IKBKE: variants seen among roughly 807,000 people sequenced by gnomAD.
IKBKE encodes inhibitor of nuclear factor kappa-B kinase subunit epsilon.
Under a neutral mutation model 92.1 loss-of-function variants are expected in IKBKE, and 45 were observed. The ratio of observed to expected loss-of-function variants is 0.49; its 90% CI spans 0.38 to 0.63. IKBKE has a LOEUF of 0.63. Ranked by LOEUF, IKBKE falls within the 20% of genes least tolerant of loss-of-function variation. The probability of loss-of-function intolerance (pLI) is 0.00; values close to 1 mark genes in which losing one functional copy is unlikely to be tolerated. For missense variants in IKBKE, 700 were observed against 932.8 expected (o/e 0.75, Z 3.25); for synonymous variants, 374 against 380.3 (o/e 0.98, Z 0.19).
At chr1:206,470,876 G>A (rs1178474297) in intron 1 of IKBKE, among the ~76,000 whole-genome samples, 178 bp downstream of exon 1, 1 of 152,158 alleles carries the variant, frequency 6.6e-6, no homozygotes, top group Non-Finnish European at 1.5e-5. Flanking sequence ...GCCCTCCCTG[G>A]GCTCTGCTTA....
intron 17 of IKBKE, chr1:206,491,089 A>G (rs774591090): frequency 2.4e-5 from 14 of 591,460 alleles, no homozygotes; most frequent in Non-Finnish European, 2.4e-5. Flanking sequence ...TCTGGTATGG[A>G]CAAGACTGTT....
intron 13 of IKBKE, among the ~76,000 whole-genome samples, chr1:206,481,565 T>G (rs1416617194): frequency 2.0e-5 from 3 of 152,070 alleles, no homozygotes; most frequent in Non-Finnish European, 4.4e-5. Context: ...GAACTGCAAG[T>G]GAATCTCCTT....
At chr1:206,473,653 C>G (rs1664897112) in intron 3 of IKBKE, among the ~76,000 whole-genome samples, 1 of 152,148 alleles carries the variant, frequency 6.6e-6, no homozygotes, top group Non-Finnish European at 1.5e-5. Context: ...GAGATGATAT[C>G]CACTCTGTCT....
intron 2 of IKBKE, among the ~76,000 whole-genome samples, chr1:206,472,507 G>C (rs1664829161): frequency 6.6e-6 from 1 of 151,744 alleles, no homozygotes. Flanking sequence ...GATGAATTTT[G>C]CCTCCCCTAT....
At chr1:206,479,180 C>T in intron 10 of IKBKE, 47 bp downstream of exon 10, 2 of 1,471,884 alleles carry the variant, frequency 1.4e-6, no homozygotes, top group Non-Finnish European at 1.8e-6. Context: ...CCACATTTTC[C>T]TCTGAGACAG....
At chr1:206,472,867 G>C in intron 2 of IKBKE, 1 of 312,830 alleles carries the variant, frequency 3.2e-6, no homozygotes, top group South Asian at 2.9e-5. Context: ...GCTGGGGAGA[G>C]GTGGTAGAGA....
intron 15 of IKBKE, among the ~76,000 whole-genome samples, chr1:206,486,268 T>A (rs1308551903): frequency 6.6e-6 from 1 of 152,218 alleles, no homozygotes; most frequent in Non-Finnish European, 1.5e-5. Flanking sequence ...CGATTCTCAA[T>A]TCAGAGCACA....
chr1:206,480,127 A>T lies in IKBKE; in HGVS notation c.1340+14A>T, dbSNP rs1553386632. 1 of 1,465,984 alleles carries T rather than the reference A, an allele frequency of 6.8e-7. No individual in the cohort carries two copies. The highest frequency in any genetic ancestry group is 2.7e-5 in the East Asian group (1 of 36,514). The allele number at this position is 1,465,984 out of a possible 1,614,324, so 90.8% of individuals were successfully genotyped here. On this transcript the variant is annotated intron_variant, in intron 12 of 21. Coordinates refer to ENST00000581977, the MANE Select transcript of IKBKE (RefSeq NM_014002.4). ...GCACTGGGTCATGTGAGTAATCATG[A>T]GGGCTGGGCACAGAGGGGGAGGCGG...
chr1:206,489,252 C>T (rs1210285540), intron 16 of IKBKE, among the ~76,000 whole-genome samples: 1 of 147,094 alleles, frequency 6.8e-6, no homozygotes, highest in Non-Finnish European at 1.5e-5. Context: ...ATATTATTCA[C>T]ATATATATAT....
At chr1:206,481,940 C>G (rs539981303) in intron 13 of IKBKE, among the ~76,000 whole-genome samples, 3 of 151,678 alleles carry the variant, frequency 2.0e-5, no homozygotes, top group Non-Finnish European at 4.4e-5. Context: ...CCACTACGCC[C>G]GGCTAATTTT....
intron 4 of IKBKE, 126 bp from the exon 5 acceptor site, chr1:206,474,739 G>A: frequency 1.7e-6 from 2 of 1,169,592 alleles, no homozygotes; most frequent in Admixed American, 4.8e-5. Context: ...GGCCAAGGAG[G>A]GAAGGCCAGG....
At chr1:206,484,746 A>G (rs1558480272) in intron 13 of IKBKE, among the ~76,000 whole-genome samples, 2 of 152,176 alleles carry the variant, frequency 1.3e-5, no homozygotes, top group Non-Finnish European at 2.9e-5. Flanking sequence ...GTGAATTTTC[A>G]TAGACTCAAG....
Position 206,478,095 on chromosome 1 carries a change from T to G in IKBKE, c.813-65T>G, listed in dbSNP as rs1665168990. ...GGATATTCTCTTAGAACGCTCCTAT[T>G]GCCTGCTTAAGGAGGATAGGTCTGG... On this transcript the variant is annotated intron_variant, in intron 8 of 21. Transcript: ENST00000581977. This position sits in a 1 kb window ranked among gnomAD's most constrained non-coding sequence, Gnocchi z 4.8. The G allele has an allele frequency of 7.1e-7, 1 of 1,401,328 alleles. No individual in the cohort carries two copies. Among genetic ancestry groups the G allele is most frequent in the Non-Finnish European group, 9.9e-7 (1 of 1,005,536 alleles). 86.8% of individuals were successfully genotyped at this position (1,401,328 alleles called of 1,614,324 possible). A position where few individuals can be genotyped will look rare whatever the true frequency, so the allele number is the denominator to read the frequency against.
intron 1 of IKBKE, among the ~76,000 whole-genome samples, chr1:206,470,936 C>T (rs41295970): frequency 0.013 from 2,003 of 152,332 alleles, 24 homozygotes; most frequent in South Asian, 0.03. Context: ...CTCACCTTTC[C>T]CGGGGTCTTT....
rs1358147444 is a variant in IKBKE, at chr1:206,476,772, AC to A, written c.637del (p.His213MetfsTer120). The A allele has an allele frequency of 1.9e-6, 3 of 1,614,098 alleles. No homozygotes were observed. ...VDLWSIGVTL[Y>X]HAATGSLPFI... ...CTCTGGAGCATTGGAGTGACCTTGT[AC>A]CATGCAGCCACTGGCAGCCTGCCCT... On this transcript the variant is annotated frameshift_variant, in exon 7 of 22. Transcript: ENST00000581977. LOFTEE classifies it high-confidence loss of function. The surrounding 1 kb of genome is among the most constrained non-coding windows in gnomAD (Gnocchi z 5.1).
At position 206,490,769 on chromosome 1, in the gene IKBKE, T is replaced by C; in HGVS notation, c.1694-50T>C. ...GTCTCTCGACCTTTGCTGCACACTG[T>C]TTCGTTGACTGATTGAATAGGTGAC... On this transcript the variant is annotated intron_variant, in intron 16 of 21. Coordinates refer to ENST00000581977, the MANE Select transcript of IKBKE (RefSeq NM_014002.4). The surrounding 1 kb of genome is among the most constrained non-coding windows in gnomAD (Gnocchi z 5.2). 6.3e-7 allele frequency: 1 copy of C among 1,590,440 alleles called. No homozygotes were observed. The highest frequency in any genetic ancestry group is 8.6e-7 in the Non-Finnish European group (1 of 1,158,508).
intron 13 of IKBKE, among the ~76,000 whole-genome samples, chr1:206,481,980 C>T (rs547113956): frequency 2.0e-4 from 30 of 151,792 alleles, no homozygotes; most frequent in East Asian, 1.7e-3. Flanking sequence ...GGGGTTTCAC[C>T]GTTTTAGCCG....
At position 206,476,873 on chromosome 1, in the gene IKBKE, C is replaced by G; in HGVS notation, c.701+35C>G. The G allele has an allele frequency of 2.5e-6, 4 of 1,611,230 alleles. No individual in the cohort carries two copies. Among genetic ancestry groups the G allele is most frequent in the Non-Finnish European group, 3.4e-6 (4 of 1,177,750 alleles). The stretch of plus-strand genomic sequence containing the variant: ...GCCACAGGGCAGGGAATGGGGCGGA[C>G]TGGCAGTCCCCTGGCCCTTCCCCCA... On this transcript the variant is annotated intron_variant, in intron 7 of 21. Coordinates refer to ENST00000581977, the MANE Select transcript of IKBKE (RefSeq NM_014002.4). The surrounding 1 kb of genome is among the most constrained non-coding windows in gnomAD (Gnocchi z 5.1).
intron 13 of IKBKE, among the ~76,000 whole-genome samples, chr1:206,484,531 G>A (rs972135660): frequency 1.5e-4 from 23 of 152,244 alleles, no homozygotes; most frequent in African/African-American, 3.6e-4. Flanking sequence ...CCCAGAGAAC[G>A]ATTTCACTGG....
Sources: gnomAD v4.1 joint callset for allele counts (sites outside exome capture counted in the v4.1 genomes callset) on GRCh38, gnomAD v4.1.1 for gene constraint, Gnocchi (gnomAD v3.1) non-coding constraint, MANE v1.5 for transcripts, NCBI Gene and HGNC (gene_info 2026-07-23, HGNC 2026-07-21) for gene names.